ECE1: variants seen among roughly 807,000 people sequenced by gnomAD.
The protein encoded by ECE1 is endothelin-converting enzyme 1.
A neutral mutation model predicts 98.6 loss-of-function variants in ECE1; 35 were observed. The observed-to-expected ratio is 0.35, with a 90% CI of 0.27 to 0.47. The LOEUF is 0.47. Ranked by LOEUF, ECE1 falls within the 20% of genes least tolerant of loss-of-function variation. ECE1 has a pLI of 1.00. For synonymous variants in ECE1, 394 were observed against 407.1 expected (o/e 0.97, Z 0.39); for missense variants, 814 against 1,025.3 (o/e 0.79, Z 2.81).
Position 21,265,587 on chromosome 1 carries a change from G to C in ECE1, c.494-5195C>G, listed in dbSNP as rs138468761. 3.0e-3 allele frequency among the ~76,000 whole-genome samples: 457 copies of C among 152,192 alleles called. 2 individuals carry two copies. Among genetic ancestry groups the C allele is most frequent in the African/African-American group, 9.9e-3 (411 of 41,520 alleles). On this transcript the variant is annotated intron_variant, in intron 4 of 18. Coordinates refer to ENST00000374893, the MANE Select transcript of ECE1 (RefSeq NM_001397.3). ...CAGACCTTTTTCTGAATAAGAAAAAGGTCTCTAGGACTGTGCCAACCCTCC... is the reference window on the plus strand; with the variant it reads ...CAGACCTTTTTCTGAATAAGAAAAACGTCTCTAGGACTGTGCCAACCCTCC...
At chr1:21,302,079 G>A (rs1638498341) in intron 1 of ECE1, among the ~76,000 whole-genome samples, 1 of 152,192 alleles carries the variant, frequency 6.6e-6, no homozygotes, top group African/African-American at 2.4e-5. Context: ...GCCCAAAACT[G>A]CATGGCATTC....
chr1:21,341,411 A>T (rs1639396129), intron 1 of ECE1, among the ~76,000 whole-genome samples: 1 of 152,250 alleles, frequency 6.6e-6, no homozygotes, highest in Admixed American at 6.5e-5. Context: ...GAAGCACAAA[A>T]AATTGTAAAC....
intron 8 of ECE1, 149 bp from the exon 9 acceptor site, chr1:21,247,512 G>T: frequency 1.7e-6 from 2 of 1,177,058 alleles, no homozygotes; most frequent in Non-Finnish European, 2.4e-6. Context: ...GCGGAGCCTG[G>T]CGGGCTTTTG....
At chr1:21,223,027 T>C (rs1237720698) in intron 17 of ECE1, among the ~76,000 whole-genome samples, 2 of 151,576 alleles carry the variant, frequency 1.3e-5, no homozygotes, top group Admixed American at 1.3e-4. Context: ...CAGGCTGGAG[T>C]GCACTGGCAC....
chr1:21,340,825 A>G lies in ECE1; in HGVS notation c.3+4551T>C, dbSNP rs1184241511. 2.6e-5 allele frequency among the ~76,000 whole-genome samples: 4 copies of G among 152,120 alleles called. No homozygotes were observed. The highest frequency in any genetic ancestry group is 5.9e-5 in the Non-Finnish European group (4 of 68,016). ...TCAGCCTGGGTGACAGAGCAAGACTATGTCTCAATAAATAAGTAAATTAAT... is the reference window on the plus strand; with the variant it reads ...TCAGCCTGGGTGACAGAGCAAGACTGTGTCTCAATAAATAAGTAAATTAAT... On this transcript the variant is annotated intron_variant, in intron 1 of 18. Coordinates refer to the ECE1 transcript ENST00000415912. The surrounding 1 kb of genome is among the most constrained non-coding windows in gnomAD (Gnocchi z 4.6).
intron 17 of ECE1, among the ~76,000 whole-genome samples, chr1:21,224,229 G>A (rs768458051): frequency 1.3e-5 from 2 of 152,060 alleles, no homozygotes; most frequent in Admixed American, 6.6e-5. Context: ...CGTGGCCAGC[G>A]TCCTCCCCAT....
rs553779946 is a variant in ECE1, at chr1:21,244,926, T to C, written c.1278+63A>G. The C allele has an allele frequency of 3.6e-5, 54 of 1,505,834 alleles. No individual in the cohort carries two copies. The East Asian group carries it at 7.2e-4, about 20-fold the overall frequency. The allele number at this position is 1,505,834 out of a possible 1,614,324, so 93.3% of individuals were successfully genotyped here. On this transcript the variant is annotated intron_variant, in intron 10 of 18. Coordinates refer to ENST00000374893, the MANE Select transcript of ECE1 (RefSeq NM_001397.3). ...GCTGAGGTCCCTTCCTGTGCTCCCA[T>C]AGACACCTTGGCATAAAGTAGGCGC...
chr1:21,321,268 A>G (rs1441396586), intron 1 of ECE1, among the ~76,000 whole-genome samples: 1 of 152,162 alleles, frequency 6.6e-6, no homozygotes, highest in Non-Finnish European at 1.5e-5. Context: ...CAACCCTAAC[A>G]TAAACCAGAA....
At chr1:21,333,084 C>A (rs1244272817) in intron 1 of ECE1, among the ~76,000 whole-genome samples, 23 of 152,146 alleles carry the variant, frequency 1.5e-4, no homozygotes, top group Non-Finnish European at 2.9e-5. Flanking sequence ...GAAGACACGC[C>A]TGCTAAAAGT....
rs1354568123 is a variant in ECE1, at chr1:21,220,214, G to A, written c.2137-83C>T. The A allele has an allele frequency of 2.7e-6, 4 of 1,473,052 alleles. No homozygotes were observed. In the Admixed American group the frequency reaches 6.4e-5, roughly 24 times the overall value. The allele number at this position is 1,473,052 out of a possible 1,614,324, so 91.2% of individuals were successfully genotyped here. A position where few individuals can be genotyped will look rare whatever the true frequency, so the allele number is the denominator to read the frequency against. ...CTGCCCCCATTATAACAGCAGGGGA[G>A]GCCAGGTGCGGTGGCTCACACCTGT... On this transcript the variant is annotated intron_variant, in intron 18 of 18. Transcript: ENST00000374893. This position sits in a 1 kb window ranked among gnomAD's most constrained non-coding sequence, Gnocchi z 5.0.
intron 4 of ECE1, among the ~76,000 whole-genome samples, chr1:21,268,272 G>A (rs2098236401): frequency 6.6e-6 from 1 of 152,194 alleles, no homozygotes; most frequent in African/African-American, 2.4e-5. Context: ...AAGGGCTGAA[G>A]GGCCTGGCTG....
intron 1 of ECE1, among the ~76,000 whole-genome samples, chr1:21,329,080 G>A (rs1305826451): frequency 4.6e-5 from 7 of 152,124 alleles, no homozygotes; most frequent in Admixed American, 4.6e-4. Flanking sequence ...AAATGCCCAG[G>A]ATAGTGTTGG....
chr1:21,345,393 G>A lies in ECE1; in HGVS notation c.-15C>T. 7.5e-7 allele frequency: 1 copy of A among 1,337,146 alleles called. No individual in the cohort carries two copies. Among genetic ancestry groups the A allele is most frequent in the South Asian group, 1.8e-5 (1 of 55,080 alleles). 82.8% of individuals were successfully genotyped at this position (1,337,146 alleles called of 1,614,324 possible). A position where few individuals can be genotyped will look rare whatever the true frequency, so the allele number is the denominator to read the frequency against. ...GCACTCACCATAGCTCGCGTGCTCC[G>A]CCCCGGCTTCGCGCAGCTCCCCGCG... is the stretch of plus-strand genomic sequence containing the variant. On this transcript the variant is annotated 5_prime_UTR_variant, in exon 1 of 19. Coordinates refer to the ECE1 transcript ENST00000415912. The surrounding 1 kb of genome is among the most constrained non-coding windows in gnomAD (Gnocchi z 5.1).
chr1:21,219,165 G>C lies in ECE1; in HGVS notation c.*790C>G, dbSNP rs1364255182. On this transcript the variant is annotated 3_prime_UTR_variant, in exon 19 of 19. Transcript: ENST00000374893. The surrounding 1 kb of genome is among the most constrained non-coding windows in gnomAD (Gnocchi z 4.5). ...CGACCTCATTCTGCTATAGCCATCA[G>C]TCCCCTGCTGTGGCTTTGGGGATCA... is the stretch of plus-strand genomic sequence containing the variant. 6.6e-6 allele frequency: 1 copy of C among 152,480 alleles called. No homozygotes were observed. Among genetic ancestry groups the C allele is most frequent in the Non-Finnish European group, 1.5e-5 (1 of 68,236 alleles). The allele number at this position is 152,480 out of a possible 1,614,324, so 9.4% of individuals were successfully genotyped here.
chr1:21,221,667 T>TG, intron 18 of ECE1, 80 bp downstream of exon 18: 1 of 1,450,824 alleles, frequency 6.9e-7, no homozygotes, highest in Non-Finnish European at 9.7e-7. Context: ...GTGGGGAACT[T>TG]GCCTTTCGGC....
chr1:21,258,672 TG>T lies in ECE1; in HGVS notation c.762+20del, dbSNP rs1406392650. ...AGGTCGTGCCCGCCCCCTCGACCGCTGCAGGTTCAAGCTAGCTCACCTGGAT... is the reference window on the plus strand; with the variant it reads ...AGGTCGTGCCCGCCCCCTCGACCGCTCAGGTTCAAGCTAGCTCACCTGGAT... On this transcript the variant is annotated intron_variant, in intron 6 of 18. Transcript: ENST00000374893. The surrounding 1 kb of genome is among the most constrained non-coding windows in gnomAD (Gnocchi z 4.2). 2.5e-6 allele frequency: 4 copies of T among 1,572,114 alleles called. No individual in the cohort carries two copies. Among genetic ancestry groups the T allele is most frequent in the Non-Finnish European group, 3.5e-6 (4 of 1,152,934 alleles).
chr1:21,314,118 C>T (rs1037812387), intron 1 of ECE1, among the ~76,000 whole-genome samples: 1 of 152,230 alleles, frequency 6.6e-6, no homozygotes, highest in Non-Finnish European at 1.5e-5. Context: ...ATAACAGCAA[C>T]CCCACGTGAA....
At chr1:21,284,476 AAG>A (rs1377065095) in intron 2 of ECE1, among the ~76,000 whole-genome samples, 7 of 152,200 alleles carry the variant, frequency 4.6e-5, no homozygotes, top group African/African-American at 1.7e-4. Context: ...GTGCCCTCAA[AAG>A]AGAGAGGTGG....
chr1:21,298,036 C>T (rs1638407893), intron 1 of ECE1: 1 of 152,308 alleles, frequency 6.6e-6, no homozygotes, highest in Admixed American at 6.5e-5. Flanking sequence ...GAGACAAGGT[C>T]TCATTGTATT....
Sources: allele counts gnomAD v4.1 joint callset (sites outside exome capture counted in the v4.1 genomes callset), GRCh38; gene constraint gnomAD v4.1.1; non-coding constraint Gnocchi (gnomAD v3.1); transcripts MANE v1.5; gene names NCBI Gene and HGNC (gene_info 2026-07-23, HGNC 2026-07-21).